CTNNA2: variants seen among roughly 807,000 people sequenced by gnomAD.
CTNNA2 encodes catenin alpha-2.
A neutral mutation model predicts 101.0 loss-of-function variants in CTNNA2; 42 were observed. That is an observed-to-expected ratio of 0.42 (90% CI 0.32 to 0.54). CTNNA2 has a LOEUF of 0.54. Ranked by LOEUF, CTNNA2 falls within the 20% of genes least tolerant of loss-of-function variation. The pLI is 0.14. For synonymous variants in CTNNA2, 450 were observed against 456.4 expected, an observed-to-expected ratio of 0.99 and a Z score of 0.18; for missense variants, 871 against 1,223.1, an observed-to-expected ratio of 0.71 and a Z score of 4.29.
At chr2:79,833,454 T>C (rs1030941495) in intron 3 of CTNNA2, among the ~76,000 whole-genome samples, 2 of 152,180 alleles carry the variant, frequency 1.3e-5, no homozygotes, top group African/African-American at 2.4e-5. Flanking sequence ...TTTTCCTTGA[T>C]AGTGAAATTT....
chr2:79,546,999 G>A (rs1374419101), intron 1 of CTNNA2, among the ~76,000 whole-genome samples: 2 of 149,414 alleles, frequency 1.3e-5, no homozygotes, highest in East Asian at 4.0e-4. Flanking sequence ...AAGAACGCTT[G>A]ATGTACTTGT....
chr2:80,626,439 G>A (rs34761744), intron 18 of CTNNA2, among the ~76,000 whole-genome samples: 37 of 152,066 alleles, frequency 2.4e-4, no homozygotes, highest in Non-Finnish European at 3.8e-4. Context: ...TACCCTCTAA[G>A]GAGGCTTCCT....
intron 7 of CTNNA2, among the ~76,000 whole-genome samples, chr2:79,958,215 T>C (rs1286535214): frequency 6.6e-6 from 1 of 152,182 alleles, no homozygotes; most frequent in Non-Finnish European, 1.5e-5. Flanking sequence ...CTTTTTTCCT[T>C]TTTCTTTTTT....
intron 7 of CTNNA2, among the ~76,000 whole-genome samples, chr2:80,258,007 T>TCA (rs924083062): frequency 6.6e-6 from 1 of 152,206 alleles, no homozygotes; most frequent in Non-Finnish European, 1.5e-5. Flanking sequence ...TAAGGGTGCA[T>TCA]CACACACACC....
intron 7 of CTNNA2, among the ~76,000 whole-genome samples, chr2:80,312,699 C>G (rs559429035): frequency 6.6e-6 from 1 of 152,344 alleles, no homozygotes; most frequent in South Asian, 2.1e-4. Context: ...TCTGTCTGCT[C>G]TGTCTCTGAT....
chr2:79,732,888 G>GAAAACAA (rs561559280), intron 2 of CTNNA2, among the ~76,000 whole-genome samples: 2 of 151,852 alleles, frequency 1.3e-5, no homozygotes, highest in South Asian at 2.1e-4. Flanking sequence ...CCAGTTGGGA[G>GAAAACAA]AAAACAAAAA....
chr2:79,675,914 A>G (rs1451853567), intron 2 of CTNNA2, among the ~76,000 whole-genome samples: 1 of 152,238 alleles, frequency 6.6e-6, no homozygotes, highest in Non-Finnish European at 1.5e-5. Context: ...GTTCCTAATC[A>G]ATGTCAGGTA....
At chr2:80,376,948 G>A (rs1261425478) in intron 7 of CTNNA2, among the ~76,000 whole-genome samples, 3 of 152,124 alleles carry the variant, frequency 2.0e-5, no homozygotes, top group African/African-American at 7.2e-5. Context: ...CCCATGCAGA[G>A]GACTGAAAAG....
intron 12 of CTNNA2, among the ~76,000 whole-genome samples, chr2:80,557,226 A>G (rs1182118664): frequency 6.6e-6 from 1 of 152,224 alleles, no homozygotes; most frequent in Non-Finnish European, 1.5e-5. Flanking sequence ...ATATGACTGC[A>G]TTTGAATTAG....
intron 4 of CTNNA2, among the ~76,000 whole-genome samples, chr2:79,490,417 A>G (rs1027839159): frequency 1.8e-4 from 27 of 152,122 alleles, no homozygotes; most frequent in African/African-American, 6.3e-4. Context: ...TTTTTATGAT[A>G]AACTCAACAT....
chr2:80,426,390 T>G (rs1413918393), intron 9 of CTNNA2, among the ~76,000 whole-genome samples: 3 of 152,128 alleles, frequency 2.0e-5, no homozygotes, highest in African/African-American at 7.2e-5. Flanking sequence ...TCTGAACTTG[T>G]TTTATTCCTT....
At chr2:79,586,897 A>G (rs114289707) in intron 1 of CTNNA2, among the ~76,000 whole-genome samples, 4,312 of 152,120 alleles carry the variant, frequency 0.028, 99 homozygotes, top group Non-Finnish European at 0.04. Context: ...TTAGCTTCCA[A>G]TTATGAGTGA....
intron 7 of CTNNA2, among the ~76,000 whole-genome samples, chr2:79,948,819 A>G (rs1414562271): frequency 6.6e-6 from 1 of 150,992 alleles, no homozygotes; most frequent in Admixed American, 6.6e-5. Context: ...ATACAAAAAA[A>G]TAGCCGGGCG....
At chr2:80,183,708 A>G (rs1241803169) in intron 7 of CTNNA2, among the ~76,000 whole-genome samples, 2 of 152,216 alleles carry the variant, frequency 1.3e-5, no homozygotes, top group Non-Finnish European at 2.9e-5. Context: ...ATGCAAAATA[A>G]TTTATGGCTT....
At chr2:79,343,564 G>A (rs1160773268) in intron 3 of CTNNA2, among the ~76,000 whole-genome samples, 2 of 152,064 alleles carry the variant, frequency 1.3e-5, no homozygotes, top group Non-Finnish European at 2.9e-5. Context: ...AGTCTTGGTA[G>A]GACTATTGAT....
intron 9 of CTNNA2, among the ~76,000 whole-genome samples, chr2:80,530,385 C>T (rs772031425): frequency 1.3e-5 from 2 of 152,196 alleles, no homozygotes; most frequent in Non-Finnish European, 2.9e-5. Context: ...AGGGAGCTTC[C>T]AGCTCGGGAG....
At chr2:79,882,307 T>C (rs1478847338) in intron 6 of CTNNA2, among the ~76,000 whole-genome samples, 1 of 152,122 alleles carries the variant, frequency 6.6e-6, no homozygotes, top group Non-Finnish European at 1.5e-5. Context: ...TCTCATGGAG[T>C]ATCTTAGTGA....
chr2:80,194,426 A>G (rs1899704), intron 7 of CTNNA2, among the ~76,000 whole-genome samples: 195 of 152,038 alleles, frequency 1.3e-3, no homozygotes, highest in Non-Finnish European at 2.0e-3. Flanking sequence ...CAGTGCTTCA[A>G]CATGTTTTCA....
rs1239491371 is a variant in CTNNA2, at chr2:80,073,334, G to A, written c.1056+163537G>A. Among the ~76,000 whole-genome samples the A allele has an allele frequency of 2.0e-5, 3 of 152,124 alleles. 1 individual carries two copies. Among genetic ancestry groups the A allele is most frequent in the Non-Finnish European group, 4.4e-5 (3 of 68,026 alleles). On this transcript the variant is annotated intron_variant, in intron 7 of 18. Coordinates refer to ENST00000402739, the MANE Select transcript of CTNNA2 (RefSeq NM_001282597.3). ...GTGGAAGTCTGTCCTGAGGGTAAGC[G>A]CAGAGGTCCCAGTTCAGAAAGGAAA...
Sources: gnomAD v4.1 joint callset for allele counts (sites outside exome capture counted in the v4.1 genomes callset) on GRCh38, gnomAD v4.1.1 for gene constraint, MANE v1.5 for transcripts, NCBI Gene and HGNC (gene_info 2026-07-23, HGNC 2026-07-21) for gene names.